DMTF1: variants seen among roughly 807,000 people sequenced by gnomAD.
The protein encoded by DMTF1 is cyclin D binding myb like transcription factor 1.
A neutral mutation model predicts 91.1 loss-of-function variants in DMTF1; 39 were observed. That is an observed-to-expected ratio of 0.43 (90% confidence interval 0.33 to 0.56). The LOEUF is 0.56. DMTF1 is among the 20% of genes least tolerant of loss of function. The pLI is 0.05. For synonymous variants in DMTF1, 338 were observed against 309.5 expected (o/e 1.09, Z -0.97); for missense variants, 750 against 914.5 (o/e 0.82, Z 2.32).
Position 87,178,140 on chromosome 7 carries a change from T to A in DMTF1, c.520-1405T>A, listed in dbSNP as rs118081211. Among the ~76,000 whole-genome samples the A allele has an allele frequency of 7.1e-3, 1,079 of 152,252 alleles. 7 individuals are homozygous for A. The highest frequency in any genetic ancestry group is 0.011 in the Non-Finnish European group (762 of 67,952). On this transcript the variant is annotated intron_variant, in intron 7 of 17. Coordinates refer to ENST00000331242, the MANE Select transcript of DMTF1 (RefSeq NM_001142327.2). ...GGTATAACTTCATTTAGTTAGTTCC[T>A]CTTCAGTATCAAGTTTTATATTTTC...
chr7:87,193,488 C>G, intron 15 of DMTF1, 135 bp downstream of exon 15: 2 of 926,108 alleles, frequency 2.2e-6, no homozygotes, highest in Non-Finnish European at 3.3e-6. Flanking sequence ...TATACACCAT[C>G]ACTCTGCCTT....
At chr7:87,158,135 A>G (rs1179185969) in intron 1 of DMTF1, among the ~76,000 whole-genome samples, 1 of 152,076 alleles carries the variant, frequency 6.6e-6, no homozygotes, top group African/African-American at 2.4e-5. Context: ...GGTGTTCTGT[A>G]TGGTTTTATA....
intron 10 of DMTF1, 105 bp downstream of exon 10, chr7:87,182,442 C>T: frequency 9.9e-7 from 1 of 1,013,828 alleles, no homozygotes; most frequent in East Asian, 2.5e-5. Flanking sequence ...AGATCATTCA[C>T]CTTAGTTCAG....
intron 3 of DMTF1, 39 bp downstream of exon 3, chr7:87,165,089 A>G (rs1459262772): frequency 6.1e-6 from 9 of 1,465,230 alleles, no homozygotes; most frequent in African/African-American, 2.8e-5. Context: ...GACTCTCTGA[A>G]TTTATGAATT....
In DMTF1 at chr7:87,166,620, A is replaced by G. The variant is rs1156564156; in HGVS notation, c.232+15A>G. The stretch of plus-strand genomic sequence containing the variant: ...TGCACTTCCACGTAAGTCACTACGT[A>G]TTAAGAGCCATAGAGTTCCCTTTTA... On this transcript the variant is annotated intron_variant, in intron 4 of 17. Coordinates refer to ENST00000331242, the MANE Select transcript of DMTF1 (RefSeq NM_001142327.2). 2 of 1,541,124 alleles carry G rather than the reference A, an allele frequency of 1.3e-6. No homozygotes were observed. Among genetic ancestry groups the G allele is most frequent in the Non-Finnish European group, 8.8e-7 (1 of 1,141,274 alleles).
At position 87,157,275 on chromosome 7, in the gene DMTF1, G is replaced by A. The variant is rs189519769; in HGVS notation, c.-132+4720G>A. On this transcript the variant is annotated intron_variant, in intron 1 of 17. Coordinates refer to ENST00000331242, the MANE Select transcript of DMTF1 (RefSeq NM_001142327.2). ...CAAGATTTCACAGTATAAAGTGAGT[G>A]TATTAAAATAGGGAATGTTTTATAT... Among the ~76,000 whole-genome samples, 18 of 152,256 alleles carry A rather than the reference G, an allele frequency of 1.2e-4. No individual in the cohort carries two copies. In the East Asian group the frequency reaches 3.5e-3, roughly 29 times the overall value.
chr7:87,178,598 T>A (rs1323545195), intron 7 of DMTF1, among the ~76,000 whole-genome samples: 1 of 152,060 alleles, frequency 6.6e-6, no homozygotes, highest in Non-Finnish European at 1.5e-5. Flanking sequence ...CTCACTTTTC[T>A]ACGTGGACAT....
At chr7:87,194,239 G>A in intron 16 of DMTF1, 137 bp downstream of exon 16, 1 of 882,922 alleles carries the variant, frequency 1.1e-6, no homozygotes, top group East Asian at 2.6e-5. Context: ...GTTGTCACTG[G>A]CAGAAATGGG....
chr7:87,195,251 C>G lies in DMTF1; in HGVS notation c.*111C>G. Reference sequence around the variant, plus strand: ...AGGCTTAATTTACCAATTTAAATAGCCACAGTCCTTAAGCCACACACATTG... The same window carrying G: ...AGGCTTAATTTACCAATTTAAATAGGCACAGTCCTTAAGCCACACACATTG... On this transcript the variant is annotated 3_prime_UTR_variant, in exon 18 of 18. Transcript: ENST00000331242. The G allele has an allele frequency of 5.6e-6, 4 of 709,828 alleles. No individual in the cohort carries two copies. Among genetic ancestry groups the G allele is most frequent in the Non-Finnish European group, 9.5e-6 (4 of 419,024 alleles). 44.0% of individuals were successfully genotyped at this position (709,828 alleles called of 1,614,324 possible).
intron 14 of DMTF1, chr7:87,192,557 G>C (rs1286533292): frequency 6.6e-6 from 1 of 152,088 alleles, no homozygotes; most frequent in Non-Finnish European, 1.5e-5. Flanking sequence ...TTAACTCCCA[G>C]ACCTATTTTA....
intron 13 of DMTF1, among the ~76,000 whole-genome samples, chr7:87,188,654 G>A (rs551436085): frequency 6.6e-6 from 1 of 152,092 alleles, no homozygotes; most frequent in Non-Finnish European, 1.5e-5. Flanking sequence ...TCACCAACTG[G>A]TATGTCGTGT....
intron 5 of DMTF1, among the ~76,000 whole-genome samples, chr7:87,173,182 G>A (rs1329385621): frequency 6.6e-6 from 1 of 152,190 alleles, no homozygotes; most frequent in East Asian, 1.9e-4. Flanking sequence ...TCATTTACAT[G>A]TGTAAATATT....
Position 87,185,819 on chromosome 7 carries a change from G to T in DMTF1, c.1050-10G>T, listed in dbSNP as rs1332221861. 11 of 1,613,422 alleles carry T rather than the reference G, an allele frequency of 6.8e-6. No individual in the cohort carries two copies. The highest frequency in any genetic ancestry group is 9.3e-6 in the Non-Finnish European group (11 of 1,179,638). On this transcript the variant is annotated splice_polypyrimidine_tract_variant and intron_variant, in intron 11 of 17. Coordinates refer to ENST00000331242, the MANE Select transcript of DMTF1 (RefSeq NM_001142327.2). ...TTTAATGTCTAACGATGCTTATTTT[G>T]TAACTGTAGGATAGCAGAACTTGAT...
At chr7:87,188,600 A>T (rs752391728) in intron 13 of DMTF1, among the ~76,000 whole-genome samples, 2 of 152,202 alleles carry the variant, frequency 1.3e-5, no homozygotes, top group African/African-American at 2.4e-5. Flanking sequence ...AATGAATGAT[A>T]GAAAACTACC....
chr7:87,173,493 G>GTT, intron 5 of DMTF1, 42 bp from the exon 6 acceptor site: 1 of 1,329,352 alleles, frequency 7.5e-7, no homozygotes, highest in Non-Finnish European at 1.1e-6. Flanking sequence ...CCATTTTTTT[G>GTT]TTTTGTTTTG....
At chr7:87,163,395 A>G (rs776975459) in intron 1 of DMTF1, 100 bp from the exon 2 acceptor site, 4 of 152,250 alleles carry the variant, frequency 2.6e-5, no homozygotes, top group African/African-American at 9.6e-5. Context: ...TCCAGATGAG[A>G]TATCACAGAG....
intron 13 of DMTF1, 37 bp downstream of exon 13, chr7:87,188,338 T>G: frequency 6.2e-7 from 1 of 1,608,118 alleles, no homozygotes; most frequent in Non-Finnish European, 8.5e-7. Context: ...TGCTGTTTGA[T>G]CTATATGATT....
chr7:87,165,882 CTG>C (rs1196296086), intron 3 of DMTF1, among the ~76,000 whole-genome samples: 1 of 152,210 alleles, frequency 6.6e-6, no homozygotes, highest in Non-Finnish European at 1.5e-5. Flanking sequence ...TGCATCCTCT[CTG>C]TTTCAAGCCT....
intron 16 of DMTF1, 93 bp from the exon 17 acceptor site, chr7:87,194,591 A>G: frequency 2.4e-6 from 2 of 839,590 alleles, no homozygotes; most frequent in Non-Finnish European, 3.6e-6. Flanking sequence ...TAAATGGGTT[A>G]TGTTTAAGTC....
Sources: allele counts gnomAD v4.1 joint callset (sites outside exome capture counted in the v4.1 genomes callset), GRCh38; gene constraint gnomAD v4.1.1; transcripts MANE v1.5; gene names NCBI Gene and HGNC (gene_info 2026-07-23, HGNC 2026-07-21).